The following RNF41 variants were observed in gnomAD, a reference collection of about 807,000 sequenced individuals.
The protein encoded by RNF41 is E3 ubiquitin-protein ligase NRDP1.
A neutral mutation model predicts 33.0 loss-of-function variants in RNF41; 4 were observed. The ratio of observed to expected loss-of-function variants is 0.12; its 90% CI spans 0.06 to 0.28. The LOEUF (loss-of-function observed/expected upper bound fraction) is 0.28. Among genes scored for constraint, RNF41 ranks in the 10% least tolerant of loss-of-function variants. The pLI is 1.00. For missense variants in RNF41, 228 were observed against 432.6 expected (o/e 0.53, Z 4.19); for synonymous variants, 164 against 153.2 (o/e 1.07, Z -0.52).
At chr12:56,218,927 C>A (rs1869121182) in intron 1 of RNF41, among the ~76,000 whole-genome samples, 1 of 150,428 alleles carries the variant, frequency 6.6e-6, no homozygotes, top group Non-Finnish European at 1.5e-5. Flanking sequence ...TGGTCTCAAT[C>A]TCCTGACCTT....
intron 3 of RNF41, among the ~76,000 whole-genome samples, chr12:56,212,020 A>G (rs545975630): frequency 4.6e-5 from 7 of 150,544 alleles, no homozygotes; most frequent in African/African-American, 1.7e-4. Context: ...ATGGTGGCTC[A>G]TGCCTGTAAT....
intron 2 of RNF41, 130 bp from the exon 3 acceptor site, chr12:56,214,200 A>AT: frequency 1.6e-6 from 1 of 631,838 alleles, no homozygotes; most frequent in South Asian, 1.8e-5. Context: ...TGCAGCAGTC[A>AT]TTTGGCTCGG....
At chr12:56,207,403 T>C in intron 6 of RNF41, 1 of 836,942 alleles carries the variant, frequency 1.2e-6, no homozygotes, top group South Asian at 1.4e-5. Context: ...ACTCACCTAA[T>C]TCTGGATAAA....
intron 1 of RNF41, among the ~76,000 whole-genome samples, chr12:56,217,313 G>GA (rs1378669733): frequency 1.3e-5 from 2 of 151,710 alleles, no homozygotes; most frequent in African/African-American, 4.8e-5. Flanking sequence ...TTGGGAGGCC[G>GA]AGGCGGGTGG....
At chr12:56,217,176 G>C (rs1008411474) in intron 1 of RNF41, among the ~76,000 whole-genome samples, 2 of 150,950 alleles carry the variant, frequency 1.3e-5, no homozygotes, top group Non-Finnish European at 1.5e-5. Context: ...GAAAAGTAGA[G>C]GAGTTGTTGG....
At chr12:56,210,082 G>C in intron 4 of RNF41, 3 of 580,448 alleles carry the variant, frequency 5.2e-6, no homozygotes, top group Non-Finnish European at 9.2e-6. Flanking sequence ...TTACTAAATT[G>C]CTGTGCCCCT....
chr12:56,211,881 A>G (rs1434296265), intron 3 of RNF41, among the ~76,000 whole-genome samples: 1 of 152,158 alleles, frequency 6.6e-6, no homozygotes, highest in Non-Finnish European at 1.5e-5. Flanking sequence ...CTGAGGCAGA[A>G]GAATGGCGTG....
intron 2 of RNF41, among the ~76,000 whole-genome samples, chr12:56,215,451 T>C (rs946177292): frequency 6.6e-6 from 1 of 152,062 alleles, no homozygotes; most frequent in Non-Finnish European, 1.5e-5. Context: ...CCGGGCATGG[T>C]GGCTCATGCC....
chr12:56,213,124 G>C (rs745782221), intron 3 of RNF41: 2 of 1,287,218 alleles, frequency 1.6e-6, no homozygotes, highest in East Asian at 5.6e-5. Context: ...GTGCATGGCT[G>C]TATCAAAAGC....
chr12:56,213,350 C>T (rs1348888801), intron 3 of RNF41, among the ~76,000 whole-genome samples: 1 of 152,072 alleles, frequency 6.6e-6, no homozygotes. Flanking sequence ...CAGGTGTGTG[C>T]CACCACGCCC....
At position 56,205,388 on chromosome 12, in the gene RNF41, C is replaced by T. The variant is rs917997639; in HGVS notation, c.*1059G>A. The T allele has an allele frequency of 1.3e-5, 2 of 151,840 alleles. No individual in the cohort carries two copies. The highest frequency in any genetic ancestry group is 4.8e-5 in the African/African-American group (2 of 41,320). The allele number at this position is 151,840 out of a possible 1,614,324, so 9.4% of individuals were successfully genotyped here. A position where few individuals can be genotyped will look rare whatever the true frequency, so the allele number is the denominator to read the frequency against. ...GTGCTGAAAAGGAAAAAATATAAAA[C>T]ACACCCCCATCCCTGTCCCACCCTA... On this transcript the variant is annotated 3_prime_UTR_variant, in exon 7 of 7. Transcript: ENST00000345093.
At chr12:56,214,923 G>C (rs1274501) in intron 2 of RNF41, among the ~76,000 whole-genome samples, 142,960 of 152,256 alleles carry the variant, frequency 0.94, 67,727 homozygotes, top group East Asian at 1. Flanking sequence ...TCAGAGTAGA[G>C]ACAGGACCTT....
chr12:56,205,569 A>AGGGG lies in RNF41; in HGVS notation c.*874_*877dup, dbSNP rs63137960. ...TGATCAGGCCATTCTTAAAAAAAAG[A>AGGGG]GGGGGGGGGGCAGTAGGTGGAGTTT... On this transcript the variant is annotated 3_prime_UTR_variant, in exon 7 of 7. Coordinates refer to ENST00000345093, the MANE Select transcript of RNF41 (RefSeq NM_005785.4). 9.4e-5 allele frequency: 12 copies of AGGGG among 127,546 alleles called. No homozygotes were observed. The highest frequency in any genetic ancestry group is 2.8e-4 in the African/African-American group (9 of 32,156). 7.9% of individuals were successfully genotyped at this position (127,546 alleles called of 1,614,324 possible).
In RNF41 at chr12:56,203,156, G is replaced by A. The variant is rs1187606300; in HGVS notation, c.*3291C>T. ...GCTCAAATTTAAAACAAACTTCTGG[G>A]AGGAGGAAAAGATATCCCTTTTTCT... is the stretch of plus-strand genomic sequence containing the variant. On this transcript the variant is annotated 3_prime_UTR_variant, in exon 7 of 7. Transcript: ENST00000345093. 2 of 146,608 alleles carry A rather than the reference G, an allele frequency of 1.4e-5. No homozygotes were observed. Among genetic ancestry groups the A allele is most frequent in the East Asian group, 2.0e-4 (1 of 4,940 alleles). 9.1% of individuals were successfully genotyped at this position (146,608 alleles called of 1,614,324 possible).
chr12:56,210,518 G>A lies in RNF41; in HGVS notation c.141C>T (p.Phe47=). ...CCACTGGACATGTCTGTTGCTGAGA[G>A]AACCACTGGGTGATGCAGGCGTTGC... is the stretch of plus-strand genomic sequence containing the variant. The part of the protein sequence containing the change: ...AFCNACITQW[F]SQQQTCPVDR... Residue 47 remains phenylalanine, a synonymous_variant, in exon 4 of 7, where the codon TTC becomes TTT. Coordinates refer to ENST00000345093, the MANE Select transcript of RNF41 (RefSeq NM_005785.4). 3.1e-6 allele frequency: 5 copies of A among 1,614,068 alleles called. No individual in the cohort carries two copies. The South Asian group carries it at 3.3e-5, about 11-fold the overall frequency.
Position 56,206,945 on chromosome 12 carries a change from A to C in RNF41, c.603-147T>G. 1.1e-6 allele frequency: 1 copy of C among 932,554 alleles called. No individual in the cohort carries two copies. Among genetic ancestry groups the C allele is most frequent in the South Asian group, 1.8e-5 (1 of 56,170 alleles). 57.8% of individuals were successfully genotyped at this position (932,554 alleles called of 1,614,324 possible). A position where few individuals can be genotyped will look rare whatever the true frequency, so the allele number is the denominator to read the frequency against. On this transcript the variant is annotated intron_variant, in intron 6 of 6. Transcript: ENST00000345093. This position sits in a 1 kb window ranked among gnomAD's most constrained non-coding sequence, Gnocchi z 5.7. ...TCCATCATTGGCTCAGAAACCCCAA[A>C]TCTTTCCCCACTTGGTCCCAACTGA...
intron 4 of RNF41, among the ~76,000 whole-genome samples, chr12:56,209,867 G>C (rs1868362932): frequency 6.6e-6 from 1 of 152,200 alleles, no homozygotes; most frequent in Non-Finnish European, 1.5e-5. Flanking sequence ...GCCTCCCAAA[G>C]TGCTAGGATT....
chr12:56,207,846 G>C, intron 5 of RNF41, 97 bp from the exon 6 acceptor site: 1 of 973,070 alleles, frequency 1.0e-6, no homozygotes, highest in East Asian at 2.4e-5. Flanking sequence ...GAGATCTGAA[G>C]AACAACCAGT....
chr12:56,206,723 C>T lies in RNF41; in HGVS notation c.678G>A (p.Gln226=). 1 of 1,614,194 alleles carries T rather than the reference C, an allele frequency of 6.2e-7. No homozygotes were observed. Among genetic ancestry groups the T allele is most frequent in the Admixed American group, 1.7e-5 (1 of 60,020 alleles). The change falls in exon 7 of 7, where the codon CAG becomes CAA. Residue 226 remains glutamine, a synonymous_variant. Transcript: ENST00000345093. The surrounding 1 kb of genome is among the most constrained non-coding windows in gnomAD (Gnocchi z 5.7). The stretch of plus-strand genomic sequence containing the variant: ...CCACCAGGGAGCGCTTGATTACAGC[C>T]TGGAGCACAGCATCAGGAGTCGAGA... ...GMISTPDAVL[Q]AVIKRSLVES... is the part of the protein sequence containing the mutation.
Sources: allele counts gnomAD v4.1 joint callset (sites outside exome capture counted in the v4.1 genomes callset), GRCh38; gene constraint gnomAD v4.1.1; non-coding constraint Gnocchi (gnomAD v3.1); transcripts MANE v1.5; gene names NCBI Gene and HGNC (gene_info 2026-07-23, HGNC 2026-07-21).